The following PBX1 variants were observed in gnomAD, a reference collection of about 807,000 sequenced individuals.
PBX1 encodes PBX homeobox 1, also known as pre-B-cell leukemia transcription factor 1.
PBX1 carries 6 observed loss-of-function variants against 53.4 expected under a neutral mutation model. The ratio of observed to expected loss-of-function variants is 0.11; its 90% CI spans 0.06 to 0.22. The LOEUF (loss-of-function observed/expected upper bound fraction) is 0.22. PBX1 is among the 10% of genes least tolerant of loss of function. The pLI is 1.00. For synonymous variants in PBX1, 204 were observed against 212.3 expected, an observed-to-expected ratio of 0.96 and a Z score of 0.34; for missense variants, 251 against 551.4, an observed-to-expected ratio of 0.46 and a Z score of 5.46.
rs986664265 is a variant in PBX1, at chr1:164,613,412, A to G, written c.265+50101A>G. On this transcript the variant is annotated intron_variant, in intron 2 of 8. Transcript: ENST00000420696. ...CTTTGTACTGTGTTCTCTGCCTTGA[A>G]TTCATTCTCTCTTCTCCACGCTACC... Among the ~76,000 whole-genome samples the G allele has an allele frequency of 2.6e-5, 4 of 152,094 alleles. 1 individual carries two copies. Among genetic ancestry groups the G allele is most frequent in the African/African-American group, 9.7e-5 (4 of 41,408 alleles).
intron 2 of PBX1, among the ~76,000 whole-genome samples, chr1:164,710,018 C>G (rs1312026474): frequency 6.6e-6 from 1 of 152,194 alleles, no homozygotes; most frequent in East Asian, 1.9e-4. Context: ...TGCATAGATG[C>G]AGCAGTGAGC....
intron 2 of PBX1, among the ~76,000 whole-genome samples, chr1:164,694,699 C>A (rs928288888): frequency 9.2e-5 from 14 of 152,170 alleles, no homozygotes; most frequent in African/African-American, 3.4e-4. Flanking sequence ...AGACTTTAAC[C>A]TTTTTCTATG....
chr1:164,653,410 G>A lies in PBX1; in HGVS notation c.265+90099G>A, dbSNP rs145420681. On this transcript the variant is annotated intron_variant, in intron 2 of 8. Transcript: ENST00000420696. ...TGTAAGATACAATTTTTTTATAAGC[G>A]TTTTAGAGCACATGGGTGATGGCCT... Among the ~76,000 whole-genome samples, 1,156 of 150,734 alleles carry A rather than the reference G, an allele frequency of 7.7e-3. 13 individuals carry two copies. The highest frequency in any genetic ancestry group is 0.017 in the Middle Eastern group (5 of 294).
At chr1:164,563,333 T>C in intron 2 of PBX1, 22 bp downstream of exon 2, 1 of 1,536,376 alleles carries the variant, frequency 6.5e-7, no homozygotes, top group Middle Eastern at 1.7e-4. Context: ...ATTCCAACAT[T>C]TTAGCATTTT....
intron 2 of PBX1, among the ~76,000 whole-genome samples, chr1:164,685,853 G>A (rs1430320026): frequency 6.6e-6 from 1 of 152,174 alleles, no homozygotes; most frequent in Non-Finnish European, 1.5e-5. Context: ...CCGCCCTCCT[G>A]GCAGTGAGAG....
intron 2 of PBX1, among the ~76,000 whole-genome samples, chr1:164,613,974 A>G (rs1037213297): frequency 7.9e-5 from 12 of 151,926 alleles, no homozygotes; most frequent in African/African-American, 2.9e-4. Context: ...TTGCTAGTAA[A>G]GCAGCACTTG....
chr1:164,739,871 C>A (rs950075028), intron 2 of PBX1, among the ~76,000 whole-genome samples: 24 of 151,720 alleles, frequency 1.6e-4, no homozygotes, highest in Admixed American at 2.0e-4. Context: ...TTGAACTCTT[C>A]GATTAACATT....
intron 2 of PBX1, among the ~76,000 whole-genome samples, chr1:164,731,883 C>T (rs1665008268): frequency 6.6e-6 from 1 of 152,122 alleles, no homozygotes; most frequent in African/African-American, 2.4e-5. Flanking sequence ...GCCCCTGCTG[C>T]CACGAAGCTT....
intron 2 of PBX1, among the ~76,000 whole-genome samples, chr1:164,749,564 A>G (rs2102189801): frequency 6.6e-6 from 1 of 152,246 alleles, no homozygotes; most frequent in Admixed American, 6.5e-5. Context: ...GTTGCTGGAG[A>G]TTTTTGGTAG....
intron 2 of PBX1, among the ~76,000 whole-genome samples, chr1:164,872,324 C>T (rs553414679): frequency 6.6e-6 from 1 of 152,308 alleles, no homozygotes; most frequent in South Asian, 2.1e-4. Flanking sequence ...GTATAGCAAC[C>T]TCCCTTTCTG....
intron 2 of PBX1, among the ~76,000 whole-genome samples, chr1:164,735,886 A>G (rs1045554492): frequency 2.6e-5 from 4 of 152,188 alleles, no homozygotes; most frequent in Non-Finnish European, 5.9e-5. Context: ...AGCATGAGGC[A>G]TGTGATTCAA....
intron 3 of PBX1, among the ~76,000 whole-genome samples, chr1:164,793,970 G>A (rs1668662413): frequency 6.7e-6 from 1 of 148,822 alleles, no homozygotes; most frequent in Non-Finnish European, 1.5e-5. Flanking sequence ...TGTGTCCCAG[G>A]TTCAAGCAAT....
At chr1:164,793,984 C>T (rs57222559) in intron 3 of PBX1, among the ~76,000 whole-genome samples, 1,806 of 149,604 alleles carry the variant, frequency 0.012, 38 homozygotes, top group African/African-American at 0.042. Context: ...AAGCAATTCT[C>T]CTGCCTCAGC....
In PBX1 at chr1:164,849,306, A is replaced by G. The variant is rs1379224421; in HGVS notation, c.*2630A>G. 4.6e-6 allele frequency: 7 copies of G among 1,535,032 alleles called. No homozygotes were observed. In the South Asian group the frequency reaches 8.3e-5, roughly 18 times the overall value. ...GATCACCTTTCACAGCATTTTCCCC[A>G]ACCAGCATTTCACTTAGTCTTCTCT... On this transcript the variant is annotated 3_prime_UTR_variant, in exon 9 of 9. Coordinates refer to ENST00000420696, the MANE Select transcript of PBX1 (RefSeq NM_002585.4).
In PBX1 at chr1:164,611,673, G is replaced by A. The variant is rs554190731; in HGVS notation, c.265+48362G>A. 4.6e-5 allele frequency among the ~76,000 whole-genome samples: 7 copies of A among 152,134 alleles called. No homozygotes were observed. The East Asian group carries it at 1.4e-3, about 29-fold the overall frequency. ...TCCTGGACTTTGCCATCCAATGCCT[G>A]TTTCTTTGCTTTGAGGCTTGGGAAT... is the stretch of plus-strand genomic sequence containing the variant. On this transcript the variant is annotated intron_variant, in intron 2 of 8. Transcript: ENST00000420696.
intron 2 of PBX1, among the ~76,000 whole-genome samples, chr1:164,618,066 A>G (rs1352291421): frequency 2.6e-5 from 4 of 152,220 alleles, no homozygotes; most frequent in Non-Finnish European, 4.4e-5. Flanking sequence ...AGCAGAGATC[A>G]TAATGCTTAA....
intron 2 of PBX1, among the ~76,000 whole-genome samples, chr1:164,751,172 G>A (rs1392652072): frequency 2.6e-5 from 4 of 151,838 alleles, no homozygotes; most frequent in South Asian, 2.1e-4. Flanking sequence ...AAAATTAGCC[G>A]GGCATGGTGG....
intron 2 of PBX1, among the ~76,000 whole-genome samples, chr1:164,601,495 A>G (rs1455174386): frequency 6.6e-6 from 1 of 152,150 alleles, no homozygotes; most frequent in African/African-American, 2.4e-5. Context: ...ACCGTATTCC[A>G]CTGGAATAGG....
At chr1:164,589,521 A>C (rs1235521602) in intron 2 of PBX1, among the ~76,000 whole-genome samples, 1 of 152,184 alleles carries the variant, frequency 6.6e-6, no homozygotes, top group Non-Finnish European at 1.5e-5. Context: ...AGGACACCAG[A>C]GAACCATAGA....
Sources: allele counts gnomAD v4.1 joint callset (sites outside exome capture counted in the v4.1 genomes callset), GRCh38; gene constraint gnomAD v4.1.1; transcripts MANE v1.5; gene names NCBI Gene and HGNC (gene_info 2026-07-23, HGNC 2026-07-21).